SMYD3: variants seen among roughly 807,000 people sequenced by gnomAD.
SMYD3 encodes the protein histone-lysine N-methyltransferase SMYD3.
Under a neutral mutation model 57.7 loss-of-function variants are expected in SMYD3, and 36 were observed. The ratio of observed to expected loss-of-function variants is 0.62; its 90% CI spans 0.48 to 0.82. SMYD3 has a LOEUF of 0.82. SMYD3 is among the 40% of genes least tolerant of loss of function. The probability of loss-of-function intolerance (pLI) is 0.00; values close to 1 mark genes in which losing one functional copy is unlikely to be tolerated. For synonymous variants in SMYD3, 211 were observed against 195.0 expected, an observed-to-expected ratio of 1.08 and a Z score of -0.68; for missense variants, 515 against 538.8, an observed-to-expected ratio of 0.96 and a Z score of 0.44.
At chr1:246,225,725 A>T (rs964341725) in intron 5 of SMYD3, among the ~76,000 whole-genome samples, 1 of 152,162 alleles carries the variant, frequency 6.6e-6, no homozygotes, top group Non-Finnish European at 1.5e-5. Flanking sequence ...ACATACATAC[A>T]TCTCAGACCT....
intron 4 of SMYD3, among the ~76,000 whole-genome samples, chr1:246,328,558 GC>G (rs2065396703): frequency 1.3e-5 from 2 of 151,966 alleles, no homozygotes; most frequent in African/African-American, 2.4e-5. Context: ...TAACTCTGTT[GC>G]TTATGTCTAT....
At chr1:246,480,396 AC>A (rs2068085159) in intron 1 of SMYD3, among the ~76,000 whole-genome samples, 1 of 152,332 alleles carries the variant, frequency 6.6e-6, no homozygotes, top group South Asian at 2.1e-4. Context: ...ATTTTCTGTA[AC>A]AAAACACTAA....
intron 5 of SMYD3, among the ~76,000 whole-genome samples, chr1:245,981,238 C>T (rs928998284): frequency 4.6e-5 from 7 of 152,220 alleles, no homozygotes; most frequent in African/African-American, 1.7e-4. Flanking sequence ...CAACAGCACA[C>T]AGTGCTAAGG....
chr1:246,129,034 G>C (rs1388782957), intron 5 of SMYD3, among the ~76,000 whole-genome samples: 2 of 152,074 alleles, frequency 1.3e-5, no homozygotes, highest in Non-Finnish European at 2.9e-5. Context: ...CAGGGCTCCA[G>C]CGATCTGCGC....
intron 11 of SMYD3, among the ~76,000 whole-genome samples, chr1:245,756,157 CAT>C (rs1223361782): frequency 1.3e-5 from 2 of 148,286 alleles, no homozygotes; most frequent in African/African-American, 2.5e-5. Context: ...ATATAATATA[CAT>C]GTGTATGCAT....
Position 246,507,238 on chromosome 1 carries a change from T to A in SMYD3, c.-21A>T. The A allele has an allele frequency of 6.7e-7, 1 of 1,493,956 alleles. No homozygotes were observed. Among genetic ancestry groups the A allele is most frequent in the Non-Finnish European group, 9.0e-7 (1 of 1,116,840 alleles). 92.5% of individuals were successfully genotyped at this position (1,493,956 alleles called of 1,614,324 possible). On this transcript the variant is annotated 5_prime_UTR_variant, in exon 1 of 12. Transcript: ENST00000490107. ...TCCATCCTCCCGCAGCTCCGGCACC[T>A]CAGACGGCTACCCGCGTCCAGCAGC...
chr1:245,937,644 A>G (rs1028455404), intron 5 of SMYD3, among the ~76,000 whole-genome samples: 2 of 152,250 alleles, frequency 1.3e-5, no homozygotes, highest in African/African-American at 4.8e-5. Context: ...ATAGGTTTCC[A>G]TAGCTCCACG....
intron 5 of SMYD3, among the ~76,000 whole-genome samples, chr1:246,065,303 A>G (rs1398044627): frequency 6.6e-6 from 1 of 152,222 alleles, no homozygotes; most frequent in African/African-American, 2.4e-5. Context: ...CTTAGGAGCA[A>G]GACTCAAAAA....
At chr1:245,946,989 C>T (rs1013411966) in intron 5 of SMYD3, among the ~76,000 whole-genome samples, 2 of 152,122 alleles carry the variant, frequency 1.3e-5, no homozygotes, top group East Asian at 3.9e-4. Context: ...GGGGCAGCGT[C>T]GAATCTGCCA....
At position 246,018,859 on chromosome 1, in the gene SMYD3, C is replaced by T. The variant is rs2059422536; in HGVS notation, c.532-88922G>A. ...GCTCAAGCAATCCTCCTGCCTTGGC[C>T]TCCCAAAGCACTGAGATTACAGGCA... is the stretch of plus-strand genomic sequence containing the variant. On this transcript the variant is annotated intron_variant, in intron 5 of 11. Transcript: ENST00000490107. 2.0e-5 allele frequency among the ~76,000 whole-genome samples: 3 copies of T among 152,032 alleles called. No individual in the cohort carries two copies. In the South Asian group the frequency reaches 6.2e-4, roughly 32 times the overall value.
At chr1:246,418,103 CCT>C (rs2067090256) in intron 1 of SMYD3, among the ~76,000 whole-genome samples, 1 of 152,290 alleles carries the variant, frequency 6.6e-6, no homozygotes, top group African/African-American at 2.4e-5. Context: ...TGCCTCTTCC[CCT>C]GTTAATCAGT....
intron 2 of SMYD3, among the ~76,000 whole-genome samples, chr1:246,341,283 G>A (rs924456956): frequency 6.6e-6 from 1 of 152,118 alleles, no homozygotes; most frequent in African/African-American, 2.4e-5. Context: ...AAATCTAGTT[G>A]CAACTCAAAG....
At chr1:246,103,133 T>G (rs188236766) in intron 5 of SMYD3, among the ~76,000 whole-genome samples, 2 of 152,312 alleles carry the variant, frequency 1.3e-5, no homozygotes, top group East Asian at 3.9e-4. Flanking sequence ...TATTGAAGAA[T>G]GAACAAATGA....
intron 5 of SMYD3, among the ~76,000 whole-genome samples, chr1:246,027,244 C>T (rs996393302): frequency 6.6e-6 from 1 of 152,132 alleles, no homozygotes; most frequent in Non-Finnish European, 1.5e-5. Flanking sequence ...TGCAAGGTGA[C>T]GTTGCAGCAA....
At chr1:245,951,590 C>T (rs10924401) in intron 5 of SMYD3, among the ~76,000 whole-genome samples, 10,499 of 116,426 alleles carry the variant, frequency 0.09, 1,737 homozygotes, top group African/African-American at 0.27. Flanking sequence ...AAAACAATTG[C>T]CATGATATAG....
At chr1:246,127,002 T>C (rs943647356) in intron 5 of SMYD3, among the ~76,000 whole-genome samples, 1 of 152,172 alleles carries the variant, frequency 6.6e-6, no homozygotes, top group African/African-American at 2.4e-5. Context: ...CTGAATCTAA[T>C]AGGGTTAGTA....
chr1:245,823,907 T>G lies in SMYD3; in HGVS notation c.1076+34589A>C, dbSNP rs558934482. 7.2e-5 allele frequency among the ~76,000 whole-genome samples: 11 copies of G among 152,346 alleles called. No homozygotes were observed. In the South Asian group the frequency reaches 2.1e-3, roughly 29 times the overall value. On this transcript the variant is annotated intron_variant, in intron 10 of 11. Coordinates refer to ENST00000490107, the MANE Select transcript of SMYD3 (RefSeq NM_001167740.2). ...AGTTCCCAGGTTTTACTTCCAGAGC[T>G]GACTGCACCAGGGAGACCCACGTGC... is the stretch of plus-strand genomic sequence containing the variant.
At chr1:246,395,565 T>A (rs2066645418) in intron 1 of SMYD3, among the ~76,000 whole-genome samples, 2 of 150,344 alleles carry the variant, frequency 1.3e-5, no homozygotes, top group Non-Finnish European at 3.0e-5. Flanking sequence ...CAATGTGCAC[T>A]ACTACTGCGA....
chr1:245,808,699 G>A (rs1459409647), intron 10 of SMYD3, among the ~76,000 whole-genome samples: 1 of 152,098 alleles, frequency 6.6e-6, no homozygotes, highest in East Asian at 1.9e-4. Flanking sequence ...CTCTTCTTGG[G>A]GATGCTGTCC....
Sources: allele counts gnomAD v4.1 joint callset (sites outside exome capture counted in the v4.1 genomes callset), GRCh38; gene constraint gnomAD v4.1.1; transcripts MANE v1.5; gene names NCBI Gene and HGNC (gene_info 2026-07-23, HGNC 2026-07-21).